Variants in TTLL5 observed in about 807,000 individuals in gnomAD.
TTLL5 encodes the protein tubulin tyrosine ligase like 5.
Under a neutral mutation model 168.4 loss-of-function variants are expected in TTLL5, and 132 were observed. The observed-to-expected ratio is 0.78, with a 90% confidence interval of 0.68 to 0.91. The LOEUF is 0.91. Among genes scored for constraint, TTLL5 ranks in the 40% least tolerant of loss-of-function variants. TTLL5 has a pLI of 0.00. For missense variants in TTLL5, 1,545 were observed against 1,581.5 expected, an observed-to-expected ratio of 0.98 and a Z score of 0.39; for synonymous variants, 546 against 558.6, an observed-to-expected ratio of 0.98 and a Z score of 0.32.
At chr14:75,787,421 C>T (rs981135743) in intron 26 of TTLL5, among the ~76,000 whole-genome samples, 2 of 152,104 alleles carry the variant, frequency 1.3e-5, no homozygotes, top group Non-Finnish European at 2.9e-5. Flanking sequence ...AGAGTAACTA[C>T]ATAATGACAA....
intron 27 of TTLL5, chr14:75,814,595 C>G (rs976181928): frequency 2.2e-4 from 33 of 152,172 alleles, no homozygotes; most frequent in African/African-American, 6.8e-4. Context: ...GTTCTAAAGC[C>G]AGAATTGATG....
At position 75,719,590 on chromosome 14, in the gene TTLL5, C is replaced by T. The variant is rs77887348; in HGVS notation, c.843-145C>T. On this transcript the variant is annotated intron_variant, in intron 10 of 31. Coordinates refer to ENST00000298832, the MANE Select transcript of TTLL5 (RefSeq NM_015072.5). Reference sequence around the variant, plus strand: ...ATGAAAGGATATATGACAAAAAGGACCAAGAAAAAATGAGTAACTGGAAGT... The same window carrying T: ...ATGAAAGGATATATGACAAAAAGGATCAAGAAAAAATGAGTAACTGGAAGT... The T allele has an allele frequency of 6.7e-3, 4,109 of 610,142 alleles. 109 individuals carry two copies. The highest frequency in any genetic ancestry group is 0.061 in the African/African-American group (3,146 of 51,420). 37.8% of individuals were successfully genotyped at this position (610,142 alleles called of 1,614,324 possible).
intron 27 of TTLL5, among the ~76,000 whole-genome samples, chr14:75,812,286 C>T (rs1253727358): frequency 2.0e-5 from 3 of 152,050 alleles, no homozygotes; most frequent in African/African-American, 7.2e-5. Context: ...AAGCAGGCCC[C>T]AAAGCTTAGG....
intron 29 of TTLL5, among the ~76,000 whole-genome samples, chr14:75,871,550 G>C (rs74787556): frequency 6.7e-6 from 1 of 148,604 alleles, no homozygotes; most frequent in Non-Finnish European, 1.5e-5. Context: ...ATATACTCTC[G>C]TATACACAAA....
At chr14:75,764,474 C>T in intron 18 of TTLL5, 141 bp from the exon 19 acceptor site, 1 of 949,124 alleles carries the variant, frequency 1.1e-6, no homozygotes. Flanking sequence ...TCTAGTGTTC[C>T]TCTTTATCTG....
intron 15 of TTLL5, chr14:75,737,491 A>G (rs926066514): frequency 1.3e-5 from 18 of 1,427,644 alleles, no homozygotes; most frequent in Middle Eastern, 1.8e-4. Context: ...TTTTTATATC[A>G]TAGATCTAGG....
intron 30 of TTLL5, among the ~76,000 whole-genome samples, chr14:75,892,585 A>G (rs2032455199): frequency 6.6e-6 from 1 of 152,200 alleles, no homozygotes; most frequent in Non-Finnish European, 1.5e-5. Context: ...TAGACTCTAC[A>G]GATCCTGCTG....
intron 28 of TTLL5, among the ~76,000 whole-genome samples, chr14:75,839,479 C>T (rs1473198430): frequency 6.6e-6 from 1 of 152,194 alleles, no homozygotes; most frequent in East Asian, 1.9e-4. Context: ...GTTTCATTGA[C>T]TCACAGTTTC....
intron 12 of TTLL5, among the ~76,000 whole-genome samples, chr14:75,728,337 CAA>C (rs974404167): frequency 1.7e-5 from 2 of 114,642 alleles, no homozygotes; most frequent in Non-Finnish European, 3.5e-5. Flanking sequence ...GCCTGGGAGA[CAA>C]GAGCAAAACT....
intron 23 of TTLL5, 128 bp downstream of exon 23, chr14:75,776,978 G>A (rs1891754783): frequency 1.4e-6 from 1 of 716,692 alleles, no homozygotes; most frequent in Admixed American, 3.2e-5. Flanking sequence ...CGGGCACAGT[G>A]GCACACCCCT....
intron 28 of TTLL5, among the ~76,000 whole-genome samples, chr14:75,828,644 T>A (rs879815363): frequency 6.6e-6 from 1 of 152,170 alleles, no homozygotes; most frequent in Non-Finnish European, 1.5e-5. Flanking sequence ...TGTTCAAGGG[T>A]CAACTGTACA....
chr14:75,790,709 C>G (rs1338617786), intron 26 of TTLL5, among the ~76,000 whole-genome samples: 1 of 151,710 alleles, frequency 6.6e-6, no homozygotes, highest in African/African-American at 2.4e-5. Context: ...AAGTGGCCCT[C>G]CTGCCTCAGC....
At position 75,863,694 on chromosome 14, in the gene TTLL5, G is replaced by A. The variant is rs587777471; in HGVS notation, c.3354G>A (p.Trp1118Ter). The change falls in exon 29 of 32, where the codon TGG (tryptophan) becomes TGA (stop). Residue 1118 changes from tryptophan to a stop codon, truncating the protein, a stop_gained. Transcript: ENST00000298832. LOFTEE classifies it high-confidence loss of function. ...SRSLQTGGFAWEGEVENNVYS... is the reference protein window; with the variant it reads ...SRSLQTGGFA ...GCCTGCAGACAGGGGGATTTGCCTGGGAAGGAGAAGTAGAAAACAACGTGT... is the reference window on the plus strand; with the variant it reads ...GCCTGCAGACAGGGGGATTTGCCTGAGAAGGAGAAGTAGAAAACAACGTGT... 1.2e-6 allele frequency: 2 copies of A among 1,611,774 alleles called. No individual in the cohort carries two copies. Among genetic ancestry groups the A allele is most frequent in the South Asian group, 1.1e-5 (1 of 90,764 alleles).
At position 75,794,469 on chromosome 14, in the gene TTLL5, C is replaced by T. The variant is rs1006857142; in HGVS notation, c.3171+1369C>T. 4.6e-5 allele frequency among the ~76,000 whole-genome samples: 7 copies of T among 151,430 alleles called. No individual in the cohort carries two copies. The South Asian group carries it at 1.5e-3, about 32-fold the overall frequency. On this transcript the variant is annotated intron_variant, in intron 27 of 31. Coordinates refer to ENST00000298832, the MANE Select transcript of TTLL5 (RefSeq NM_015072.5). ...GTAGTAAAAAAAAAAAAAAAATACC[C>T]AAAATAGCCAATATTAGTGCTTACC...
At chr14:75,785,991 A>G (rs2140337014) in intron 26 of TTLL5, among the ~76,000 whole-genome samples, 1 of 152,332 alleles carries the variant, frequency 6.6e-6, no homozygotes, top group East Asian at 1.9e-4. Context: ...AAACACTAGT[A>G]ATAGCTATGT....
chr14:75,904,350 A>G, intron 31 of TTLL5: 1 of 802,276 alleles, frequency 1.2e-6, no homozygotes. Context: ...GATTTCTGTG[A>G]GATACCCTAT....
At chr14:75,902,353 T>A (rs2032962049) in intron 31 of TTLL5, 129 bp downstream of exon 31, 2 of 971,262 alleles carry the variant, frequency 2.1e-6, no homozygotes, top group Non-Finnish European at 3.1e-6. Flanking sequence ...CTCAAAACAT[T>A]GGCAAATGGG....
chr14:75,925,596 G>C lies in TTLL5; in HGVS notation c.3823+23372G>C, dbSNP rs1219127097. Among the ~76,000 whole-genome samples, 6 of 148,656 alleles carry C rather than the reference G, an allele frequency of 4.0e-5. No individual in the cohort carries two copies. The East Asian group carries it at 1.2e-3, about 30-fold the overall frequency. Reference sequence around the variant, plus strand: ...GCAGCCAGGCAGAGGGTCTCCTCACGTCCCAGACGATGGGCGGCCAGGCAG... The same window carrying C: ...GCAGCCAGGCAGAGGGTCTCCTCACCTCCCAGACGATGGGCGGCCAGGCAG... On this transcript the variant is annotated intron_variant, in intron 31 of 31. Coordinates refer to ENST00000298832, the MANE Select transcript of TTLL5 (RefSeq NM_015072.5).
At chr14:75,870,214 G>A (rs1432373571) in intron 29 of TTLL5, among the ~76,000 whole-genome samples, 1 of 150,632 alleles carries the variant, frequency 6.6e-6, no homozygotes, top group East Asian at 1.9e-4. Flanking sequence ...CATCTCAAAA[G>A]AAAAGTTTTC....
Sources: gnomAD v4.1 joint callset for allele counts (sites outside exome capture counted in the v4.1 genomes callset) on GRCh38, gnomAD v4.1.1 for gene constraint, MANE v1.5 for transcripts, NCBI Gene and HGNC (gene_info 2026-07-23, HGNC 2026-07-21) for gene names.